UEVLD: variants seen among roughly 807,000 people sequenced by gnomAD.
The protein encoded by UEVLD is ubiquitin-conjugating enzyme E2 variant 3.
A neutral mutation model predicts 58.6 loss-of-function variants in UEVLD; 47 were observed. The observed-to-expected ratio is 0.80, with a 90% CI of 0.63 to 1.02. The LOEUF (loss-of-function observed/expected upper bound fraction) is 1.02. UEVLD is among the 50% of genes least tolerant of loss of function. The probability of loss-of-function intolerance (pLI) is 0.00; values close to 1 mark genes in which losing one functional copy is unlikely to be tolerated. For missense variants in UEVLD, 510 were observed against 550.6 expected, an observed-to-expected ratio of 0.93 and a Z score of 0.74; for synonymous variants, 197 against 195.3, an observed-to-expected ratio of 1.01 and a Z score of -0.07.
At chr11:18,571,907 T>C (rs1031703996) in intron 3 of UEVLD, among the ~76,000 whole-genome samples, 3 of 151,810 alleles carry the variant, frequency 2.0e-5, no homozygotes, top group Middle Eastern at 3.2e-3. Flanking sequence ...CACTGTACTC[T>C]AGCCTAGGCA....
intron 1 of UEVLD, chr11:18,579,366 A>G: frequency 3.8e-6 from 3 of 799,644 alleles, no homozygotes; most frequent in Non-Finnish European, 4.5e-6. Context: ...TTAAATAGTG[A>G]AGCCCGAGCT....
At chr11:18,567,342 G>A (rs772772071) in intron 4 of UEVLD, among the ~76,000 whole-genome samples, 1 of 152,134 alleles carries the variant, frequency 6.6e-6, no homozygotes, top group Non-Finnish European at 1.5e-5. Flanking sequence ...CAAACTATAC[G>A]CCGTGAGTGT....
rs1852225259 is a variant in UEVLD at position 18,564,959 on chromosome 11, A to C, written c.545T>G (p.Val182Gly). Reference protein sequence around the residue: ...KSWANHENKTVNKITVVGGGE... With the variant: ...KSWANHENKTGNKITVVGGGE... ...ACCTCCAACCACAGTAATTTTATTG[A>C]CTGTTTTATTCTCATGATTTGCCCA... Residue 182 changes from valine (V) to glycine (G), a missense_variant, in exon 6 of 12, where the codon GTC becomes GGC. Coordinates refer to ENST00000396197, the MANE Select transcript of UEVLD (RefSeq NM_001040697.4). The C allele has an allele frequency of 6.2e-7, 1 of 1,613,866 alleles. No homozygotes were observed. The highest frequency in any genetic ancestry group is 8.5e-7 in the Non-Finnish European group (1 of 1,179,900).
At chr11:18,544,590 C>A in intron 9 of UEVLD, 33 bp downstream of exon 9, 2 of 1,572,298 alleles carry the variant, frequency 1.3e-6, no homozygotes, top group Non-Finnish European at 1.7e-6. Flanking sequence ...CAGGCATGAG[C>A]CACCACACCC....
intron 1 of UEVLD, among the ~76,000 whole-genome samples, chr11:18,586,145 G>A (rs978797569): frequency 6.6e-6 from 1 of 152,104 alleles, no homozygotes; most frequent in Non-Finnish European, 1.5e-5. Context: ...ATTTTTTAAT[G>A]TACTGATCAC....
Position 18,563,710 on chromosome 11 carries a change from A to C in UEVLD, c.612+1182T>G, listed in dbSNP as rs936999734. 1.6e-5 allele frequency: 16 copies of C among 985,442 alleles called. 1 individual carries two copies. In the Admixed American group the frequency reaches 4.3e-4, roughly 26 times the overall value. The allele number at this position is 985,442 out of a possible 1,614,324, so 61.0% of individuals were successfully genotyped here. A position where few individuals can be genotyped will look rare whatever the true frequency, so the allele number is the denominator to read the frequency against. ...CTGAATACAACTCAAATTCTAATTA[A>C]GAGGTAATAGCAGGCCAGGTACGGT... is the stretch of plus-strand genomic sequence containing the variant. On this transcript the variant is annotated intron_variant, in intron 6 of 11. Coordinates refer to ENST00000396197, the MANE Select transcript of UEVLD (RefSeq NM_001040697.4).
chr11:18,544,632 C>G lies in UEVLD; in HGVS notation c.1051G>C (p.Glu351Gln). The G allele has an allele frequency of 2.5e-6, 4 of 1,591,292 alleles. No homozygotes were observed. Among genetic ancestry groups the G allele is most frequent in the Non-Finnish European group, 3.4e-6 (4 of 1,172,168 alleles). The change falls in exon 9 of 12, where the codon GAA (glutamate) becomes CAA (glutamine). Residue 351 changes from glutamate to glutamine, a missense_variant. Transcript: ENST00000396197. ...KEVWVIGEQGEDKVLTWSGQE... is the reference protein window; with the variant it reads ...KEVWVIGEQGQDKVLTWSGQE... Reference sequence around the variant, plus strand: ...AAAACGTACTTCTTACCTTTGTCTTCTCCTTGCTCGCCAATAACCCATACT... The same window carrying G: ...AAAACGTACTTCTTACCTTTGTCTTGTCCTTGCTCGCCAATAACCCATACT...
intron 3 of UEVLD, among the ~76,000 whole-genome samples, chr11:18,572,406 T>C (rs1043176425): frequency 3.3e-5 from 5 of 152,308 alleles, no homozygotes; most frequent in Admixed American, 6.5e-5. Context: ...GATGGGAGGA[T>C]AGATATAGGC....
At chr11:18,545,052 C>CTA (rs199522841) in intron 8 of UEVLD, among the ~76,000 whole-genome samples, 14,699 of 41,482 alleles carry the variant, frequency 0.35, 805 homozygotes, top group Admixed American at 0.4. Flanking sequence ...CTATCTATAT[C>CTA]TATATCTATA....
intron 9 of UEVLD, among the ~76,000 whole-genome samples, chr11:18,538,192 A>T (rs1850891008): frequency 6.6e-6 from 1 of 152,192 alleles, no homozygotes. Flanking sequence ...CCCCATATGT[A>T]TCCAGATGCC....
At position 18,532,487 on chromosome 11, in the gene UEVLD, C is replaced by A; in HGVS notation, c.1249G>T (p.Gly417Ter). The A allele has an allele frequency of 6.3e-7, 1 of 1,588,006 alleles. No individual in the cohort carries two copies. The highest frequency in any genetic ancestry group is 1.2e-5 in the South Asian group (1 of 86,560). The part of the protein sequence containing the change: ...KVHSVSALAK[G>*]YYDINSEVFL... ...ACTTCACTATTTATATCATAATATC[C>A]CTGAAATGAGAAAAATAGGGATTTA... Residue 417 changes from glycine (G) to a stop codon, truncating the protein, a stop_gained and splice_region_variant, in exon 12 of 12, where the codon GGA becomes TGA. Transcript: ENST00000396197. LOFTEE classifies it high-confidence loss of function.
At chr11:18,551,284 G>A (rs913254369) in intron 7 of UEVLD, among the ~76,000 whole-genome samples, 9 of 151,954 alleles carry the variant, frequency 5.9e-5, no homozygotes, top group African/African-American at 1.2e-4. Context: ...TTAGCCGGGC[G>A]TGGTGACACG....
chr11:18,546,770 T>C, intron 8 of UEVLD, 110 bp downstream of exon 8: 1 of 1,210,064 alleles, frequency 8.3e-7, no homozygotes, highest in Non-Finnish European at 1.1e-6. Flanking sequence ...GTGTTGGGAT[T>C]ACTGGTGTGA....
In UEVLD at chr11:18,564,175, G is replaced by A. The variant is rs186613334; in HGVS notation, c.612+717C>T. Among the ~76,000 whole-genome samples the A allele has an allele frequency of 3.1e-4, 47 of 152,162 alleles. 1 individual carries two copies. In the East Asian group the frequency reaches 8.9e-3, roughly 29 times the overall value. ...TTGCTGCAGTAGAACCCACCTCCAA[G>A]ACATATGTGAGTCTTAAATGGAAAG... On this transcript the variant is annotated intron_variant, in intron 6 of 11. Transcript: ENST00000396197.
intron 10 of UEVLD, among the ~76,000 whole-genome samples, chr11:18,535,394 A>G (rs1232850693): frequency 6.6e-6 from 1 of 152,236 alleles, no homozygotes; most frequent in Non-Finnish European, 1.5e-5. Context: ...TCTTTTATAA[A>G]TGATAAAAAT....
At chr11:18,544,829 G>A in intron 8 of UEVLD, 33 bp from the exon 9 acceptor site, 2 of 1,466,482 alleles carry the variant, frequency 1.4e-6, no homozygotes, top group Admixed American at 2.7e-5. Context: ...AAAATGTAAA[G>A]GTTAAAAAAT....
At position 18,560,128 on chromosome 11, in the gene UEVLD, CACACACACACAGAG is replaced by C. The variant is rs1282493066; in HGVS notation, c.613-1812_613-1799del. Among the ~76,000 whole-genome samples the C allele has an allele frequency of 1.9e-4, 17 of 88,160 alleles. 1 individual carries two copies. Among genetic ancestry groups the C allele is most frequent in the East Asian group, 9.2e-4 (2 of 2,182 alleles). The allele number at this position is 88,160 out of a possible 152,430, so 57.8% of individuals were successfully genotyped here. On this transcript the variant is annotated intron_variant, in intron 6 of 11. Transcript: ENST00000396197. Reference sequence around the variant, plus strand: ...ACACACACACACACACACACACACACACACACACACAGAGAGAGAAAGAAAATAACCCTGCTACA... The same window carrying C: ...ACACACACACACACACACACACACACAGAGAAAGAAAATAACCCTGCTACA...
At position 18,536,501 on chromosome 11, in the gene UEVLD, G is replaced by A. The variant is rs756973262; in HGVS notation, c.1061-32C>T. ...TTAGATGAAGAATTAATTATGTTTT[G>A]CCAGTGACTCTTTGGATTAAGATGT... On this transcript the variant is annotated intron_variant, in intron 9 of 11. Transcript: ENST00000396197. 1.6e-5 allele frequency: 25 copies of A among 1,568,028 alleles called. No homozygotes were observed. In the Middle Eastern group the frequency reaches 6.7e-4, roughly 42 times the overall value.
chr11:18,530,630 A>G lies in UEVLD; in HGVS notation c.*1690T>C, dbSNP rs1229716600. On this transcript the variant is annotated 3_prime_UTR_variant, in exon 12 of 12. Coordinates refer to ENST00000396197, the MANE Select transcript of UEVLD (RefSeq NM_001040697.4). ...CAGTAGCATGATCATAGCTCATTGC[A>G]ATCTTGAACTTCTGGGCTCAAGTGA... The G allele has an allele frequency of 6.6e-6, 1 of 152,254 alleles. No homozygotes were observed. Among genetic ancestry groups the G allele is most frequent in the African/African-American group, 2.4e-5 (1 of 41,402 alleles). The allele number at this position is 152,254 out of a possible 1,614,324, so 9.4% of individuals were successfully genotyped here.
Sources: gnomAD v4.1 joint callset for allele counts (sites outside exome capture counted in the v4.1 genomes callset) on GRCh38, gnomAD v4.1.1 for gene constraint, MANE v1.5 for transcripts, NCBI Gene and HGNC (gene_info 2026-07-23, HGNC 2026-07-21) for gene names.